The following FAT3 variants were observed in gnomAD, a reference collection of about 807,000 sequenced individuals.
The protein encoded by FAT3 is FAT atypical cadherin 3.
FAT3 carries 95 observed loss-of-function variants against 310.2 expected under a neutral mutation model. The observed-to-expected ratio is 0.31, with a 90% CI of 0.26 to 0.36. The LOEUF (loss-of-function observed/expected upper bound fraction) is 0.36. Ranked by LOEUF, FAT3 falls within the 10% of genes least tolerant of loss-of-function variation. FAT3 has a pLI of 1.00. For synonymous variants in FAT3, 2,314 were observed against 2,192.9 expected (o/e 1.06, Z -1.54); for missense variants, 5,408 against 5,715.6 (o/e 0.95, Z 1.74).
At chr11:92,813,904 G>T (rs1054940093) in intron 13 of FAT3, among the ~76,000 whole-genome samples, 2 of 152,182 alleles carry the variant, frequency 1.3e-5, no homozygotes, top group African/African-American at 2.4e-5. Context: ...AAATTCATAC[G>T]TTGGAACCTA....
Position 92,797,879 on chromosome 11 carries a change from C to G in FAT3, c.4866C>G (p.Ile1622Met). 1 of 1,613,874 alleles carries G rather than the reference C, an allele frequency of 6.2e-7. No individual in the cohort carries two copies. The highest frequency in any genetic ancestry group is 8.5e-7 in the Non-Finnish European group (1 of 1,179,810). The change falls in exon 10 of 28, where the codon ATC becomes ATG. Residue 1622 changes from isoleucine (I) to methionine (M), a missense_variant. Coordinates refer to ENST00000525166, the MANE Select transcript of FAT3 (RefSeq NM_001367949.2). ...TTAAGATCGAACCGGTCCTAGGCAT[C>G]ATCACCATTTGCAAAGAACCAGACA... ...NMFKIEPVLG[I>M]ITICKEPDMT...
At chr11:92,478,064 G>T (rs562640848) in intron 2 of FAT3, among the ~76,000 whole-genome samples, 2 of 152,348 alleles carry the variant, frequency 1.3e-5, no homozygotes, top group Admixed American at 1.3e-4. Flanking sequence ...GCATAGAGAA[G>T]TTATTTAAGA....
chr11:92,639,529 C>T (rs1941883406), intron 3 of FAT3, among the ~76,000 whole-genome samples: 1 of 152,136 alleles, frequency 6.6e-6, no homozygotes, highest in South Asian at 2.1e-4. Context: ...CCCCATCTCT[C>T]TCTGAGGTCC....
At chr11:92,493,824 A>G (rs1208630242) in intron 2 of FAT3, among the ~76,000 whole-genome samples, 1 of 152,014 alleles carries the variant, frequency 6.6e-6, no homozygotes, top group Non-Finnish European at 1.5e-5. Context: ...CTCAAACTTC[A>G]TTCTATTAGT....
chr11:92,631,630 G>A (rs949074999), intron 3 of FAT3, among the ~76,000 whole-genome samples: 2 of 152,114 alleles, frequency 1.3e-5, no homozygotes, highest in Non-Finnish European at 1.5e-5. Flanking sequence ...CCCCAGCCAT[G>A]CAGAACTGTG....
intron 4 of FAT3, among the ~76,000 whole-genome samples, chr11:92,725,710 T>G (rs1944978610): frequency 6.6e-6 from 1 of 152,184 alleles, no homozygotes; most frequent in Non-Finnish European, 1.5e-5. Flanking sequence ...CTAGGCAAGC[T>G]TCTTAGAAGC....
At chr11:92,342,610 G>A (rs1358330869) in intron 1 of FAT3, among the ~76,000 whole-genome samples, 1 of 152,048 alleles carries the variant, frequency 6.6e-6, no homozygotes, top group Non-Finnish European at 1.5e-5. Context: ...TTTGCCCCCC[G>A]ACTATTGGAA....
chr11:92,318,743 C>A (rs527542986), intron 1 of FAT3, among the ~76,000 whole-genome samples: 3 of 152,264 alleles, frequency 2.0e-5, no homozygotes, highest in African/African-American at 7.2e-5. Context: ...TGAATTAACA[C>A]AAACATTAAA....
At chr11:92,589,614 A>T (rs190104084) in intron 3 of FAT3, among the ~76,000 whole-genome samples, 103 of 152,114 alleles carry the variant, frequency 6.8e-4, no homozygotes, top group African/African-American at 2.3e-3. Context: ...AAGTGGATAT[A>T]TCATATTTGC....
intron 3 of FAT3, among the ~76,000 whole-genome samples, chr11:92,588,067 AC>A (rs1416999387): frequency 6.6e-6 from 1 of 151,882 alleles, no homozygotes; most frequent in East Asian, 1.9e-4. Context: ...TCTGCCTCCC[AC>A]CTTGCTTCAT....
chr11:92,522,334 C>G (rs1385997663), intron 2 of FAT3, among the ~76,000 whole-genome samples: 3 of 152,162 alleles, frequency 2.0e-5, no homozygotes, highest in Non-Finnish European at 2.9e-5. Context: ...CCTGTACTCA[C>G]AGATGTGCTC....
At chr11:92,254,427 T>C (rs1022893589) in intron 1 of FAT3, among the ~76,000 whole-genome samples, 2 of 152,132 alleles carry the variant, frequency 1.3e-5, no homozygotes, top group Non-Finnish European at 2.9e-5. Context: ...TAAGGGGCAA[T>C]GTGCGTAAAG....
chr11:92,487,450 T>C (rs1952449474), intron 2 of FAT3, among the ~76,000 whole-genome samples: 1 of 152,218 alleles, frequency 6.6e-6, no homozygotes, highest in Admixed American at 6.5e-5. Flanking sequence ...AATCTCATTT[T>C]ACGGAAAGAA....
intron 1 of FAT3, among the ~76,000 whole-genome samples, chr11:92,285,334 G>A (rs1447956540): frequency 1.3e-5 from 2 of 152,116 alleles, no homozygotes; most frequent in African/African-American, 4.8e-5. Context: ...GTAAGGACAA[G>A]CTATTACTTA....
At chr11:92,341,682 T>C (rs1050363588) in intron 1 of FAT3, among the ~76,000 whole-genome samples, 1 of 152,214 alleles carries the variant, frequency 6.6e-6, no homozygotes, top group African/African-American at 2.4e-5. Flanking sequence ...CTTCCCATGC[T>C]ATAATTTCTA....
In FAT3 at chr11:92,787,034, C is replaced by T. The variant is rs1174710816; in HGVS notation, c.4336-2909C>T. Among the ~76,000 whole-genome samples, 4 of 152,086 alleles carry T rather than the reference C, an allele frequency of 2.6e-5. No individual in the cohort carries two copies. In the East Asian group the frequency reaches 5.8e-4, roughly 22 times the overall value. On this transcript the variant is annotated intron_variant, in intron 7 of 27. Coordinates refer to ENST00000525166, the MANE Select transcript of FAT3 (RefSeq NM_001367949.2). Reference sequence around the variant, plus strand: ...GTCCTGTGCATTGTAGGATGTTTAGCGGCATCCCTGGCCTGTACTACTGGA... The same window carrying T: ...GTCCTGTGCATTGTAGGATGTTTAGTGGCATCCCTGGCCTGTACTACTGGA...
At chr11:92,404,460 A>G (rs1269251190) in intron 2 of FAT3, among the ~76,000 whole-genome samples, 1 of 151,690 alleles carries the variant, frequency 6.6e-6, no homozygotes, top group Non-Finnish European at 1.5e-5. Context: ...ACCTTTGTCA[A>G]ATTCTCAACA....
chr11:92,383,770 C>G (rs1393468806), intron 2 of FAT3, among the ~76,000 whole-genome samples: 2 of 152,064 alleles, frequency 1.3e-5, no homozygotes, highest in African/African-American at 4.8e-5. Context: ...CCAGATATGC[C>G]AGATTTGCAG....
intron 1 of FAT3, among the ~76,000 whole-genome samples, chr11:92,339,495 A>G (rs1342867149): frequency 2.0e-5 from 3 of 152,246 alleles, no homozygotes; most frequent in Non-Finnish European, 2.9e-5. Context: ...CGTTCGGTTT[A>G]TAGTCAAGTT....
Sources: allele counts gnomAD v4.1 joint callset (sites outside exome capture counted in the v4.1 genomes callset), GRCh38; gene constraint gnomAD v4.1.1; transcripts MANE v1.5; gene names NCBI Gene and HGNC (gene_info 2026-07-23, HGNC 2026-07-21).